The following RARB variants were observed in gnomAD, a reference collection of about 807,000 sequenced individuals.
RARB encodes retinoic acid receptor beta.
Under a neutral mutation model 51.9 loss-of-function variants are expected in RARB, and 17 were observed. That is an observed-to-expected ratio of 0.33 (90% CI 0.22 to 0.49). The LOEUF (loss-of-function observed/expected upper bound fraction) is 0.49, where lower values mean the gene tolerates loss of function less well. Ranked by LOEUF, RARB falls within the 20% of genes least tolerant of loss-of-function variation. The pLI is 0.99. For synonymous variants in RARB, 215 were observed against 195.4 expected, an observed-to-expected ratio of 1.10 and a Z score of -0.84; for missense variants, 369 against 550.8, an observed-to-expected ratio of 0.67 and a Z score of 3.30.
intron 5 of RARB, among the ~76,000 whole-genome samples, chr3:25,365,812 C>G (rs1442899101): frequency 6.6e-6 from 1 of 152,102 alleles, no homozygotes; most frequent in Non-Finnish European, 1.5e-5. Context: ...GGGGGCAGCT[C>G]CAGTACAACT....
intron 5 of RARB, among the ~76,000 whole-genome samples, chr3:25,387,458 A>T (rs918843331): frequency 3.3e-5 from 5 of 152,194 alleles, no homozygotes; most frequent in African/African-American, 1.2e-4. Flanking sequence ...GAGTTGAAGC[A>T]AAAAGGAGAA....
intron 5 of RARB, among the ~76,000 whole-genome samples, chr3:25,396,844 T>A (rs1480245071): frequency 3.3e-5 from 5 of 152,214 alleles, no homozygotes; most frequent in Admixed American, 1.3e-4. Flanking sequence ...CCTTACCCAG[T>A]TCCCATACAG....
At chr3:25,094,505 T>G (rs1699257603) in intron 3 of RARB, among the ~76,000 whole-genome samples, 1 of 151,686 alleles carries the variant, frequency 6.6e-6, no homozygotes, top group African/African-American at 2.4e-5. Flanking sequence ...TCACTTGAGT[T>G]TAGAAACTTG....
intron 5 of RARB, among the ~76,000 whole-genome samples, chr3:25,407,119 C>T (rs1014407932): frequency 9.2e-5 from 14 of 152,178 alleles, no homozygotes; most frequent in African/African-American, 3.4e-4. Context: ...ATATTTCTGC[C>T]AGCCATATCA....
At chr3:24,880,774 A>G (rs1330122782) in intron 2 of RARB, among the ~76,000 whole-genome samples, 1 of 152,246 alleles carries the variant, frequency 6.6e-6, no homozygotes, top group Non-Finnish European at 1.5e-5. Flanking sequence ...TGCAAAATGT[A>G]ATGCTACTCT....
chr3:25,181,353 T>C (rs1700856386), intron 5 of RARB, among the ~76,000 whole-genome samples: 1 of 152,206 alleles, frequency 6.6e-6, no homozygotes, highest in African/African-American at 2.4e-5. Context: ...TTTTCATAAC[T>C]TTTCCTTCAC....
intron 2 of RARB, among the ~76,000 whole-genome samples, chr3:24,871,520 T>A (rs1367311498): frequency 1.3e-5 from 2 of 152,146 alleles, no homozygotes; most frequent in African/African-American, 4.8e-5. Context: ...CCAAAATCTA[T>A]AGATTGAATG....
At chr3:25,023,397 G>A (rs928133562) in intron 2 of RARB, among the ~76,000 whole-genome samples, 2 of 152,120 alleles carry the variant, frequency 1.3e-5, no homozygotes, top group African/African-American at 2.4e-5. Flanking sequence ...TTTATTTACT[G>A]AGGTTAAGAC....
At chr3:24,991,773 T>TC (rs1559425289) in intron 2 of RARB, among the ~76,000 whole-genome samples, 5 of 151,686 alleles carry the variant, frequency 3.3e-5, no homozygotes, top group Admixed American at 6.6e-5. Flanking sequence ...TTTTTTTTTT[T>TC]CCCTCCCTGC....
intron 2 of RARB, among the ~76,000 whole-genome samples, chr3:25,487,777 C>G (rs1696542703): frequency 6.6e-6 from 1 of 152,202 alleles, no homozygotes; most frequent in African/African-American, 2.4e-5. Flanking sequence ...ACTTTTGTGT[C>G]ACTGCCTGGT....
chr3:25,381,972 G>T (rs1274011444), intron 5 of RARB, among the ~76,000 whole-genome samples: 1 of 152,124 alleles, frequency 6.6e-6, no homozygotes, highest in African/African-American at 2.4e-5. Context: ...ACTACCACCA[G>T]CAACACCCCG....
At chr3:25,404,331 GC>G (rs1234813787) in intron 5 of RARB, among the ~76,000 whole-genome samples, 2 of 152,190 alleles carry the variant, frequency 1.3e-5, no homozygotes, top group Non-Finnish European at 2.9e-5. Flanking sequence ...GGACTGGAGT[GC>G]TGTGTAGCCA....
chr3:25,160,340 A>C (rs906447903), intron 4 of RARB, among the ~76,000 whole-genome samples: 3 of 152,052 alleles, frequency 2.0e-5, no homozygotes, highest in African/African-American at 7.2e-5. Flanking sequence ...AAATTACTGC[A>C]CTCTTGCCTT....
intron 5 of RARB, among the ~76,000 whole-genome samples, chr3:25,592,422 A>G (rs1244684851): frequency 1.3e-5 from 2 of 152,328 alleles, no homozygotes; most frequent in African/African-American, 4.8e-5. Context: ...AAAGTCAAGT[A>G]TGGAAACCTG....
intron 5 of RARB, among the ~76,000 whole-genome samples, chr3:25,287,943 A>G (rs993697971): frequency 2.6e-5 from 4 of 152,056 alleles, no homozygotes; most frequent in African/African-American, 7.2e-5. Context: ...TTAATTCAAT[A>G]TGCATTATAA....
intron 4 of RARB, among the ~76,000 whole-genome samples, chr3:25,147,655 A>G (rs935566911): frequency 1.6e-4 from 25 of 152,146 alleles, no homozygotes; most frequent in African/African-American, 5.8e-4. Context: ...AAGACCTGAC[A>G]TTTGTTTGTA....
At chr3:24,863,210 C>A (rs190530804) in intron 2 of RARB, among the ~76,000 whole-genome samples, 19 of 152,262 alleles carry the variant, frequency 1.2e-4, no homozygotes, top group African/African-American at 4.6e-4. Context: ...GTGAAAAGAT[C>A]CGTACTAACA....
At chr3:24,897,752 C>CT (rs11280403) in intron 2 of RARB, among the ~76,000 whole-genome samples, 95,349 of 144,998 alleles carry the variant, frequency 0.66, 31,730 homozygotes, top group East Asian at 0.86. Flanking sequence ...TGCTCTGAGG[C>CT]TTTTTTTTTT....
rs745784905 is a variant in RARB at position 25,390,093 on chromosome 3, T to C, written c.179-71100T>C. Among the ~76,000 whole-genome samples, 3 of 152,152 alleles carry C rather than the reference T, an allele frequency of 2.0e-5. No homozygotes were observed. The East Asian group carries it at 5.8e-4, about 29-fold the overall frequency. On this transcript the variant is annotated intron_variant, in intron 5 of 11. Coordinates refer to the RARB transcript ENST00000383772. ...TGTTTGTATCACCCCAAAATTCATA[T>C]GTTGAAACTTAATCACCGATATGAT...
Sources: gnomAD v4.1 joint callset for allele counts (sites outside exome capture counted in the v4.1 genomes callset) on GRCh38, gnomAD v4.1.1 for gene constraint, MANE v1.5 for transcripts, NCBI Gene and HGNC (gene_info 2026-07-23, HGNC 2026-07-21) for gene names.